FOXP1: variants seen among roughly 807,000 people sequenced by gnomAD.
The protein encoded by FOXP1 is forkhead box protein P1.
In FOXP1, 15 loss-of-function variants were observed where a neutral mutation model predicts 98.2. The ratio of observed to expected loss-of-function variants is 0.15; its 90% CI spans 0.10 to 0.24. FOXP1 has a LOEUF of 0.24. Ranked by LOEUF, FOXP1 falls within the 10% of genes least tolerant of loss-of-function variation. FOXP1 has a pLI of 1.00. For missense variants in FOXP1, 633 were observed against 848.5 expected (o/e 0.75, Z 3.15); for synonymous variants, 371 against 314.5 (o/e 1.18, Z -1.90).
At position 71,229,146 on chromosome 3, in the gene FOXP1, C is replaced by T. The variant is rs190802723; in HGVS notation, c.-11-30754G>A. Among the ~76,000 whole-genome samples, 157 of 152,090 alleles carry T rather than the reference C, an allele frequency of 1.0e-3. 2 individuals are homozygous for T. The highest frequency in any genetic ancestry group is 7.1e-3 in the South Asian group (34 of 4,816). On this transcript the variant is annotated intron_variant, in intron 5 of 20. Coordinates refer to ENST00000649528, the MANE Select transcript of FOXP1 (RefSeq NM_001349338.3). Reference sequence around the variant, plus strand: ...ATGGGAAAAATAAGCAAAGACGACACCAGTTTTTCCCCCAGTTTTAGCCGA... The same window carrying T: ...ATGGGAAAAATAAGCAAAGACGACATCAGTTTTTCCCCCAGTTTTAGCCGA...
At chr3:71,239,098 GT>G (rs1314970412) in intron 5 of FOXP1, among the ~76,000 whole-genome samples, 1 of 152,118 alleles carries the variant, frequency 6.6e-6, no homozygotes, top group Admixed American at 6.5e-5. Flanking sequence ...CTTCCTAAAA[GT>G]AGGAAATTTC....
chr3:71,130,383 G>T, intron 6 of FOXP1: 1 of 1,030,970 alleles, frequency 9.7e-7, no homozygotes, highest in Non-Finnish European at 1.4e-6. Flanking sequence ...AAAAAAAGCA[G>T]TAAACAAGTT....
chr3:71,526,450 C>T (rs1263846876), intron 2 of FOXP1, among the ~76,000 whole-genome samples: 4 of 152,208 alleles, frequency 2.6e-5, no homozygotes, highest in African/African-American at 9.7e-5. Context: ...ACAAACTACA[C>T]ATCATATAGA....
At chr3:70,983,965 A>G (rs1483025040) in intron 14 of FOXP1, among the ~76,000 whole-genome samples, 2 of 152,180 alleles carry the variant, frequency 1.3e-5, no homozygotes, top group East Asian at 1.9e-4. Context: ...TTGGGTGTTT[A>G]CTTTGAGAAT....
At chr3:71,221,136 G>A (rs925524137) in intron 5 of FOXP1, among the ~76,000 whole-genome samples, 5 of 152,112 alleles carry the variant, frequency 3.3e-5, no homozygotes, top group East Asian at 1.9e-4. Flanking sequence ...GGGCATCACC[G>A]CCTGAGCTCC....
intron 4 of FOXP1, among the ~76,000 whole-genome samples, chr3:71,301,658 CA>C (rs1438250001): frequency 6.6e-6 from 1 of 152,204 alleles, no homozygotes; most frequent in Admixed American, 6.5e-5. Flanking sequence ...CTTTGCAATG[CA>C]GATGAGATTT....
chr3:71,509,576 C>A (rs1334374689), intron 2 of FOXP1, among the ~76,000 whole-genome samples: 1 of 152,108 alleles, frequency 6.6e-6, no homozygotes, highest in Non-Finnish European at 1.5e-5. Flanking sequence ...TAATTCAACC[C>A]ACAACAGCTC....
chr3:71,481,411 C>T (rs1051290618), intron 3 of FOXP1, among the ~76,000 whole-genome samples: 1 of 152,160 alleles, frequency 6.6e-6, no homozygotes, highest in Non-Finnish European at 1.5e-5. Context: ...TGTAGATGTT[C>T]ACTACATATC....
chr3:71,287,368 A>G (rs2072261078), intron 5 of FOXP1, among the ~76,000 whole-genome samples: 1 of 152,066 alleles, frequency 6.6e-6, no homozygotes, highest in Admixed American at 6.6e-5. Flanking sequence ...CTACTCATTG[A>G]GGCTGAGGGG....
At chr3:71,521,643 G>A (rs1051835685) in intron 2 of FOXP1, among the ~76,000 whole-genome samples, 8 of 152,106 alleles carry the variant, frequency 5.3e-5, no homozygotes, top group Non-Finnish European at 1.2e-4. Flanking sequence ...GATTTGTTTC[G>A]CTTGGGCCAG....
intron 17 of FOXP1, among the ~76,000 whole-genome samples, chr3:70,975,944 G>C (rs78887142): frequency 9.9e-5 from 15 of 152,146 alleles, no homozygotes; most frequent in African/African-American, 3.4e-4. Context: ...ATCCAATAAA[G>C]AGCTATGCAA....
chr3:71,342,655 T>G (rs2077078976), intron 4 of FOXP1, among the ~76,000 whole-genome samples: 1 of 150,358 alleles, frequency 6.7e-6, no homozygotes, highest in African/African-American at 2.4e-5. Flanking sequence ...ATCACGCCAT[T>G]GCACTCCAGC....
At chr3:71,195,626 C>G (rs530996712) in intron 6 of FOXP1, among the ~76,000 whole-genome samples, 1 of 152,290 alleles carries the variant, frequency 6.6e-6, no homozygotes, top group South Asian at 2.1e-4. Flanking sequence ...CTGAATGTGC[C>G]CCTGGCGAGG....
intron 6 of FOXP1, among the ~76,000 whole-genome samples, chr3:71,144,345 C>G (rs2060205279): frequency 6.6e-6 from 1 of 152,164 alleles, no homozygotes; most frequent in Non-Finnish European, 1.5e-5. Flanking sequence ...AAACCTACAA[C>G]CCAGCATGCA....
At chr3:71,243,196 T>C (rs1337557523) in intron 5 of FOXP1, among the ~76,000 whole-genome samples, 2 of 152,222 alleles carry the variant, frequency 1.3e-5, no homozygotes, top group Non-Finnish European at 2.9e-5. Flanking sequence ...CTGTTTGGAC[T>C]CAGAACCTTC....
At chr3:71,499,673 G>T (rs961242180) in intron 2 of FOXP1, among the ~76,000 whole-genome samples, 2 of 152,226 alleles carry the variant, frequency 1.3e-5, no homozygotes, top group Non-Finnish European at 2.9e-5. Flanking sequence ...AAGTGCATTT[G>T]TGAGAGCTTC....
intron 6 of FOXP1, among the ~76,000 whole-genome samples, chr3:71,157,793 A>G (rs1211741513): frequency 6.6e-6 from 1 of 152,080 alleles, no homozygotes; most frequent in African/African-American, 2.4e-5. Context: ...TCTATTCTAA[A>G]GTGTGGAGGG....
intron 4 of FOXP1, chr3:71,306,148 C>G (rs1023799899): frequency 6.6e-6 from 1 of 152,194 alleles, no homozygotes; most frequent in Admixed American, 6.5e-5. Flanking sequence ...CTCAATCAGA[C>G]GCCCGCTGTG....
intron 4 of FOXP1, among the ~76,000 whole-genome samples, chr3:71,349,322 C>T (rs1029700805): frequency 1.3e-5 from 2 of 152,176 alleles, no homozygotes; most frequent in Admixed American, 6.5e-5. Context: ...ATCATTTTAA[C>T]ATAACGCACT....
Sources: gnomAD v4.1 joint callset for allele counts (sites outside exome capture counted in the v4.1 genomes callset) on GRCh38, gnomAD v4.1.1 for gene constraint, MANE v1.5 for transcripts, NCBI Gene and HGNC (gene_info 2026-07-23, HGNC 2026-07-21) for gene names.